Variants in UBA6 observed in about 807,000 individuals in gnomAD.
UBA6 encodes the protein ubiquitin-like modifier-activating enzyme 6.
In UBA6, 87 loss-of-function variants were observed where a neutral mutation model predicts 148.3. The ratio of observed to expected loss-of-function variants is 0.59; its 90% CI spans 0.49 to 0.70. The LOEUF (loss-of-function observed/expected upper bound fraction) is 0.70. Among genes scored for constraint, UBA6 ranks in the 30% least tolerant of loss-of-function variants. The probability of loss-of-function intolerance (pLI) is 0.00; values close to 1 mark genes in which losing one functional copy is unlikely to be tolerated. For missense variants in UBA6, 1,186 were observed against 1,241.2 expected, an observed-to-expected ratio of 0.96 and a Z score of 0.67; for synonymous variants, 376 against 401.0, an observed-to-expected ratio of 0.94 and a Z score of 0.75.
At chr4:67,684,073 G>A (rs1217034860) in intron 2 of UBA6, among the ~76,000 whole-genome samples, 1 of 152,080 alleles carries the variant, frequency 6.6e-6, no homozygotes, top group Non-Finnish European at 1.5e-5. Context: ...ATGAAATCCT[G>A]TTTCAAACAA....
rs754463693 is a variant in UBA6 at position 67,634,466 on chromosome 4, G to A, written c.1895C>T (p.Ala632Val). ...CCACTGTATGGTATGTTCAATAGCAGCTGGAAAGGATTTTAGAGTACAAAA... is the reference window on the plus strand; with the variant it reads ...CCACTGTATGGTATGTTCAATAGCAACTGGAAAGGATTTTAGAGTACAAAA... Reference protein sequence around the residue: ...IPFCTLKSFPAAIEHTIQWAR... With the variant: ...IPFCTLKSFPVAIEHTIQWAR... Residue 632 changes from alanine to valine, a missense_variant, in exon 21 of 33, where the codon GCT becomes GTT. By Grantham distance (64) the Ala-to-Val change is moderately conservative. Transcript: ENST00000322244. 1.3e-6 allele frequency: 2 copies of A among 1,588,526 alleles called. No homozygotes were observed. Among genetic ancestry groups the A allele is most frequent in the East Asian group, 2.2e-5 (1 of 44,448 alleles).
chr4:67,677,089 T>C (rs1034027401), intron 6 of UBA6, among the ~76,000 whole-genome samples: 3 of 152,214 alleles, frequency 2.0e-5, no homozygotes, highest in Admixed American at 1.3e-4. Context: ...TTCTTGACTT[T>C]AGGCTTGATA....
At chr4:67,633,580 T>C in intron 22 of UBA6, 107 bp from the exon 23 acceptor site, 2 of 977,358 alleles carry the variant, frequency 2.0e-6, no homozygotes, top group Non-Finnish European at 2.8e-6. Context: ...ATGTGTTTTA[T>C]GCTTTTCTTT....
chr4:67,614,825 A>T lies in UBA6; in HGVS notation c.*4172T>A, dbSNP rs550407924. On this transcript the variant is annotated 3_prime_UTR_variant, in exon 33 of 33. Transcript: ENST00000322244. ...AACTATACAGCCAACAAAGAATAAG[A>T]TTTATAAAGATCCTTTATGAATCAA... 22 of 152,200 alleles carry T rather than the reference A, an allele frequency of 1.4e-4. No homozygotes were observed. Among genetic ancestry groups the T allele is most frequent in the African/African-American group, 5.3e-4 (22 of 41,518 alleles). The allele number at this position is 152,200 out of a possible 1,614,324, so 9.4% of individuals were successfully genotyped here. A position where few individuals can be genotyped will look rare whatever the true frequency, so the allele number is the denominator to read the frequency against.
intron 32 of UBA6, 150 bp from the exon 33 acceptor site, chr4:67,619,282 TA>T: frequency 1.6e-6 from 1 of 641,468 alleles, no homozygotes; most frequent in Non-Finnish European, 2.6e-6. Context: ...TTTTCTTTAC[TA>T]AAAGGTCTGA....
At chr4:67,658,157 G>C (rs1729749363) in intron 13 of UBA6, among the ~76,000 whole-genome samples, 1 of 152,176 alleles carries the variant, frequency 6.6e-6, no homozygotes, top group Non-Finnish European at 1.5e-5. Context: ...TCTAGAACTA[G>C]AAATACCATT....
At chr4:67,631,940 C>A in intron 23 of UBA6, 32 bp from the exon 24 acceptor site, 1 of 1,589,874 alleles carries the variant, frequency 6.3e-7, no homozygotes, top group East Asian at 2.2e-5. Flanking sequence ...AAGACACCCA[C>A]TACTTAATAT....
chr4:67,650,691 A>G (rs1464489285), intron 13 of UBA6, among the ~76,000 whole-genome samples: 1 of 152,182 alleles, frequency 6.6e-6, no homozygotes, highest in Admixed American at 6.5e-5. Context: ...AGAGAGCAGA[A>G]AATACGAAGA....
At position 67,626,306 on chromosome 4, in the gene UBA6, G is replaced by C. The variant is rs576149047; in HGVS notation, c.2518+54C>G. The C allele has an allele frequency of 1.5e-5, 16 of 1,050,318 alleles. No individual in the cohort carries two copies. In the South Asian group the frequency reaches 1.8e-4, roughly 12 times the overall value. 65.1% of individuals were successfully genotyped at this position (1,050,318 alleles called of 1,614,324 possible). On this transcript the variant is annotated intron_variant, in intron 28 of 32. Coordinates refer to ENST00000322244, the MANE Select transcript of UBA6 (RefSeq NM_018227.6). ...CACAAATTCTTAGGTGTAGAGCTTA[G>C]TGAAAATAAAAACTCATCCAGTTCA...
intron 22 of UBA6, 29 bp downstream of exon 22, chr4:67,634,213 A>T: frequency 6.9e-7 from 1 of 1,454,964 alleles, no homozygotes; most frequent in Non-Finnish European, 9.4e-7. Context: ...CAAAGTGTTA[A>T]GTTTGTATTA....
rs779205835 is a variant in UBA6 at position 67,634,231 on chromosome 4, CT to C, written c.2013+10del. On this transcript the variant is annotated intron_variant, in intron 22 of 32. Transcript: ENST00000322244. ...AGTGTTAAGTTTGTATTAAAATTTA[CT>C]GATTTTTACCTGTAAGACTTCTTCT... 4 of 1,553,238 alleles carry C rather than the reference CT, an allele frequency of 2.6e-6. No homozygotes were observed. The African/African-American group carries it at 5.6e-5, about 22-fold the overall frequency.
intron 9 of UBA6, among the ~76,000 whole-genome samples, chr4:67,667,208 A>C (rs1730024085): frequency 1.1e-5 from 1 of 91,714 alleles, no homozygotes; most frequent in African/African-American, 3.7e-5. Context: ...TAAAAAACAG[A>C]TATATTATTT....
At position 67,640,983 on chromosome 4, in the gene UBA6, T is replaced by C. The variant is rs557378120; in HGVS notation, c.1554+168A>G. The stretch of plus-strand genomic sequence containing the variant: ...CCAAAATCAATGCAAAAATCAATAT[T>C]GTGCATTAAATAATTTAATATTTTC... On this transcript the variant is annotated intron_variant, in intron 18 of 32. Coordinates refer to ENST00000322244, the MANE Select transcript of UBA6 (RefSeq NM_018227.6). Among the ~76,000 whole-genome samples the C allele has an allele frequency of 2.9e-4, 44 of 152,338 alleles. No individual in the cohort carries two copies. In the South Asian group the frequency reaches 8.9e-3, roughly 31 times the overall value.
At position 67,678,512 on chromosome 4, in the gene UBA6, C is replaced by T; in HGVS notation, c.280G>A (p.Glu94Lys). Residue 94 changes from glutamate to lysine, a missense_variant, in exon 5 of 33, where the codon GAA (glutamate) becomes AAA (lysine). Physicochemically the swap from Glu to Lys is moderately conservative, Grantham distance 56. Transcript: ENST00000322244. ...GIKAVTIHDT[E>K]KCQAWDLGTN... ...CCTAGATCCCATGCTTGGCATTTTT[C>T]TGTATCATGAATTGTAACTGCCTTC... 6.3e-7 allele frequency: 1 copy of T among 1,591,580 alleles called. No homozygotes were observed. The highest frequency in any genetic ancestry group is 8.6e-7 in the Non-Finnish European group (1 of 1,166,896).
chr4:67,671,507 A>G lies in UBA6; in HGVS notation c.547-915T>C, dbSNP rs572892181. ...AGCTTTTTTTTTAAAGTTTAACTCT[A>G]AAGAGCATATAAATTACGTAAACAA... is the stretch of plus-strand genomic sequence containing the variant. On this transcript the variant is annotated intron_variant, in intron 7 of 32. Coordinates refer to ENST00000322244, the MANE Select transcript of UBA6 (RefSeq NM_018227.6). Among the ~76,000 whole-genome samples, 7 of 152,126 alleles carry G rather than the reference A, an allele frequency of 4.6e-5. No individual in the cohort carries two copies. The South Asian group carries it at 1.0e-3, about 23-fold the overall frequency.
chr4:67,639,109 T>C lies in UBA6; in HGVS notation c.1570A>G (p.Thr524Ala). The change falls in exon 19 of 33, where the codon ACT (threonine) becomes GCT (alanine). Residue 524 changes from threonine (T) to alanine (A), a missense_variant. By Grantham distance (58) the Thr-to-Ala change is moderately conservative. Coordinates refer to ENST00000322244, the MANE Select transcript of UBA6 (RefSeq NM_018227.6). ...PHHIQKPKSY[T>A]AADATLKINS... ...ATTTTCAGAGTAGCATCAGCAGCAG[T>C]GTAGCTTTTAGGTTTCTAAACAAAT... The C allele has an allele frequency of 1.2e-6, 2 of 1,611,702 alleles. No individual in the cohort carries two copies. Among genetic ancestry groups the C allele is most frequent in the South Asian group, 2.2e-5 (2 of 90,886 alleles).
In UBA6 at chr4:67,616,662, T is replaced by C. The variant is rs374112956; in HGVS notation, c.*2335A>G. The C allele has an allele frequency of 6.6e-6, 1 of 152,178 alleles. No homozygotes were observed. Among genetic ancestry groups the C allele is most frequent in the African/African-American group, 2.4e-5 (1 of 41,446 alleles). The allele number at this position is 152,178 out of a possible 1,614,324, so 9.4% of individuals were successfully genotyped here. A position where few individuals can be genotyped will look rare whatever the true frequency, so the allele number is the denominator to read the frequency against. On this transcript the variant is annotated 3_prime_UTR_variant, in exon 33 of 33. Coordinates refer to ENST00000322244, the MANE Select transcript of UBA6 (RefSeq NM_018227.6). ...AGCCATCTGAGGACATTTGAGGTAA[T>C]GTCCTTCCACACCTAATAACTGCTG...
chr4:67,701,038 C>T lies in UBA6; in HGVS notation c.71+11G>A, dbSNP rs753651076. The T allele has an allele frequency of 1.2e-6, 2 of 1,613,708 alleles. No homozygotes were observed. Among genetic ancestry groups the T allele is most frequent in the Non-Finnish European group, 8.5e-7 (1 of 1,179,694 alleles). ...CGCGACCCCTCACCTTCGCCCTTCTCGTCCTCTCACCTGCCAGTCCCCCAG... is the reference window on the plus strand; with the variant it reads ...CGCGACCCCTCACCTTCGCCCTTCTTGTCCTCTCACCTGCCAGTCCCCCAG... On this transcript the variant is annotated intron_variant, in intron 1 of 32. Coordinates refer to ENST00000322244, the MANE Select transcript of UBA6 (RefSeq NM_018227.6).
chr4:67,622,893 T>C lies in UBA6; in HGVS notation c.2961A>G (p.Val987=), dbSNP rs1728782042. The C allele has an allele frequency of 1.9e-6, 3 of 1,612,836 alleles. No homozygotes were observed. The highest frequency in any genetic ancestry group is 2.2e-5 in the South Asian group (2 of 90,718). The change falls in exon 32 of 33, where the codon GTA becomes GTG. Residue 987 remains valine (V), a synonymous_variant. Coordinates refer to ENST00000322244, the MANE Select transcript of UBA6 (RefSeq NM_018227.6). ...GAACATAAAGCATTTTGACTCCCTG[T>C]ACCACCATTGTTGGCTCAATTCCAT... ...EKYGIEPTMV[V]QGVKMLYVPV... is the part of the protein sequence containing the mutation.
Sources: allele counts gnomAD v4.1 joint callset (sites outside exome capture counted in the v4.1 genomes callset), GRCh38; gene constraint gnomAD v4.1.1; transcripts MANE v1.5; gene names NCBI Gene and HGNC (gene_info 2026-07-23, HGNC 2026-07-21).